The following SLC35F1 variants were observed in gnomAD, a reference collection of about 807,000 sequenced individuals.
The protein encoded by SLC35F1 is chromosome 6 open reading frame 169.
Under a neutral mutation model 48.7 loss-of-function variants are expected in SLC35F1, and 14 were observed. The ratio of observed to expected loss-of-function variants is 0.29; its 90% CI spans 0.19 to 0.45. The LOEUF (loss-of-function observed/expected upper bound fraction) is 0.45. Ranked by LOEUF, SLC35F1 falls within the 20% of genes least tolerant of loss-of-function variation. SLC35F1 has a pLI of 1.00. For missense variants in SLC35F1, 404 were observed against 500.0 expected, an observed-to-expected ratio of 0.81 and a Z score of 1.83; for synonymous variants, 190 against 202.2, an observed-to-expected ratio of 0.94 and a Z score of 0.51.
rs769123497 is a variant in SLC35F1, at chr6:117,937,780, A to T, written c.173+29881A>T. Among the ~76,000 whole-genome samples the T allele has an allele frequency of 2.8e-4, 43 of 152,296 alleles. 1 individual carries two copies. The highest frequency in any genetic ancestry group is 5.6e-4 in the Non-Finnish European group (38 of 68,020). On this transcript the variant is annotated intron_variant, in intron 1 of 7. Transcript: ENST00000360388. The stretch of plus-strand genomic sequence containing the variant: ...CCCAATGTCTAAATTCTCCATTTTG[A>T]GCTGTTCGAACTCAGAATGAACTCA...
chr6:118,281,221 T>TATAA (rs1454414881), intron 6 of SLC35F1, among the ~76,000 whole-genome samples: 1 of 149,078 alleles, frequency 6.7e-6, no homozygotes, highest in African/African-American at 2.5e-5. Context: ...TATATATATA[T>TATAA]AAAATATTAA....
intron 1 of SLC35F1, among the ~76,000 whole-genome samples, chr6:118,021,845 A>G (rs1777400158): frequency 6.6e-6 from 1 of 152,162 alleles, no homozygotes; most frequent in South Asian, 2.1e-4. Context: ...CTATGGCTAG[A>G]TAATCTAAGA....
chr6:118,315,684 C>T lies in SLC35F1; in HGVS notation c.*1432C>T, dbSNP rs1776427642. The T allele has an allele frequency of 6.6e-6, 1 of 152,180 alleles. No homozygotes were observed. Among genetic ancestry groups the T allele is most frequent in the Admixed American group, 6.5e-5 (1 of 15,274 alleles). 9.4% of individuals were successfully genotyped at this position (152,180 alleles called of 1,614,324 possible). A position where few individuals can be genotyped will look rare whatever the true frequency, so the allele number is the denominator to read the frequency against. ...TCGATCTCCTGACCTCGTGATCCGC[C>T]CACCTTGGCCTCCCGAAGTGCTGGG... On this transcript the variant is annotated 3_prime_UTR_variant, in exon 8 of 8. Coordinates refer to ENST00000360388, the MANE Select transcript of SLC35F1 (RefSeq NM_001029858.4).
chr6:118,194,374 A>G (rs1774772639), intron 2 of SLC35F1, among the ~76,000 whole-genome samples: 1 of 152,204 alleles, frequency 6.6e-6, no homozygotes, highest in Non-Finnish European at 1.5e-5. Flanking sequence ...CTGGACCACC[A>G]TTGTAAAATG....
chr6:118,076,576 C>G (rs1418299835), intron 1 of SLC35F1, among the ~76,000 whole-genome samples: 2 of 152,040 alleles, frequency 1.3e-5, no homozygotes, highest in Non-Finnish European at 2.9e-5. Flanking sequence ...CAACCAGATC[C>G]CATGAGAACT....
intron 1 of SLC35F1, among the ~76,000 whole-genome samples, chr6:117,986,747 C>T (rs1448805785): frequency 6.6e-6 from 1 of 152,168 alleles, no homozygotes; most frequent in Non-Finnish European, 1.5e-5. Flanking sequence ...ATATTTACCT[C>T]ACTTGTTAAA....
At chr6:117,945,773 C>G (rs1570447) in intron 1 of SLC35F1, among the ~76,000 whole-genome samples, 115,862 of 152,140 alleles carry the variant, frequency 0.76, 44,357 homozygotes, top group South Asian at 0.89. Context: ...TTTTCTTCTG[C>G]ATAGTAACAA....
At chr6:117,952,079 ATTTTG>A (rs1776369607) in intron 1 of SLC35F1, among the ~76,000 whole-genome samples, 2 of 152,102 alleles carry the variant, frequency 1.3e-5, no homozygotes, top group African/African-American at 2.4e-5. Context: ...TATCTCTCTC[ATTTTG>A]TTTTGTTTTG....
At chr6:118,233,572 A>G (rs186507127) in intron 2 of SLC35F1, among the ~76,000 whole-genome samples, 3 of 152,314 alleles carry the variant, frequency 2.0e-5, no homozygotes, top group East Asian at 3.9e-4. Flanking sequence ...CATTCACTCC[A>G]AAACACTTAG....
chr6:118,175,068 C>T (rs1774467806), intron 2 of SLC35F1, among the ~76,000 whole-genome samples: 1 of 152,070 alleles, frequency 6.6e-6, no homozygotes, highest in South Asian at 2.1e-4. Flanking sequence ...TACTTCATCG[C>T]ATTTGTTATG....
intron 1 of SLC35F1, among the ~76,000 whole-genome samples, chr6:118,100,449 A>T (rs769685954): frequency 6.6e-6 from 1 of 152,036 alleles, no homozygotes; most frequent in Non-Finnish European, 1.5e-5. Context: ...GGCTCTATGG[A>T]CTCCCTTAGC....
At chr6:118,184,069 C>T (rs1417392957) in intron 2 of SLC35F1, among the ~76,000 whole-genome samples, 2 of 152,148 alleles carry the variant, frequency 1.3e-5, no homozygotes, top group Admixed American at 6.6e-5. Context: ...GTTCAAATTC[C>T]TCTGAGTGAT....
At chr6:118,206,590 G>A (rs571214459) in intron 2 of SLC35F1, among the ~76,000 whole-genome samples, 4 of 152,234 alleles carry the variant, frequency 2.6e-5, no homozygotes, top group Non-Finnish European at 5.9e-5. Flanking sequence ...TGGATTTTTA[G>A]GCCACGTGGG....
intron 1 of SLC35F1, among the ~76,000 whole-genome samples, chr6:117,961,755 GGAGA>G (rs1341276071): frequency 6.6e-6 from 1 of 152,158 alleles, no homozygotes; most frequent in Non-Finnish European, 1.5e-5. Context: ...CACTGTGAAA[GGAGA>G]GATTTATTTC....
chr6:118,229,247 A>C (rs1340125170), intron 2 of SLC35F1, among the ~76,000 whole-genome samples: 1 of 152,134 alleles, frequency 6.6e-6, no homozygotes, highest in Non-Finnish European at 1.5e-5. Flanking sequence ...TAAGCCAAAA[A>C]ATTGATTTAA....
At chr6:118,079,367 G>T (rs1374568509) in intron 1 of SLC35F1, among the ~76,000 whole-genome samples, 1 of 152,038 alleles carries the variant, frequency 6.6e-6, no homozygotes, top group Non-Finnish European at 1.5e-5. Context: ...TTTTATTATG[G>T]AATATTATTA....
chr6:118,034,131 T>G (rs986500244), intron 1 of SLC35F1, among the ~76,000 whole-genome samples: 1 of 150,954 alleles, frequency 6.6e-6, no homozygotes, highest in African/African-American at 2.5e-5. Flanking sequence ...AGGATAGCAA[T>G]TTTTTTTGTG....
At chr6:118,017,115 C>G (rs1777332487) in intron 1 of SLC35F1, among the ~76,000 whole-genome samples, 1 of 152,088 alleles carries the variant, frequency 6.6e-6, no homozygotes, top group Non-Finnish European at 1.5e-5. Flanking sequence ...AAAGATAGAC[C>G]CAATGTCTTG....
At chr6:118,019,648 A>G (rs1268835384) in intron 1 of SLC35F1, among the ~76,000 whole-genome samples, 1 of 152,208 alleles carries the variant, frequency 6.6e-6, no homozygotes, top group Admixed American at 6.5e-5. Flanking sequence ...GGGTAGTTGA[A>G]GCAAGTTAAG....
Sources: allele counts gnomAD v4.1 joint callset (sites outside exome capture counted in the v4.1 genomes callset), GRCh38; gene constraint gnomAD v4.1.1; transcripts MANE v1.5; gene names NCBI Gene and HGNC (gene_info 2026-07-23, HGNC 2026-07-21).